SHISA9: variants seen among roughly 807,000 people sequenced by gnomAD.
The protein encoded by SHISA9 is protein shisa-9.
In SHISA9, 13 loss-of-function variants were observed where a neutral mutation model predicts 38.0. That is an observed-to-expected ratio of 0.34 (90% CI 0.22 to 0.54). The LOEUF (loss-of-function observed/expected upper bound fraction) is 0.54. SHISA9 is among the 20% of genes least tolerant of loss of function. SHISA9 has a pLI of 0.91. For missense variants in SHISA9, 538 were observed against 575.8 expected (o/e 0.93, Z 0.67); for synonymous variants, 275 against 242.0 (o/e 1.14, Z -1.27).
chr16:13,085,397 G>T (rs532486261), intron 2 of SHISA9, among the ~76,000 whole-genome samples: 11 of 152,170 alleles, frequency 7.2e-5, no homozygotes, highest in Admixed American at 5.2e-4. Flanking sequence ...AAACATAAAG[G>T]CTTGTGTTGA....
rs549681756 is a variant in SHISA9 at position 12,922,202 on chromosome 16, G to T, written c.691+5387G>T. On this transcript the variant is annotated intron_variant, in intron 2 of 4. Transcript: ENST00000558583. ...GCTAAGTAAATGGAAATATCCATTG[G>T]CATTTTAGGAAAGAGAGCTGTTTCC... is the stretch of plus-strand genomic sequence containing the variant. 1.2e-4 allele frequency among the ~76,000 whole-genome samples: 19 copies of T among 152,354 alleles called. No homozygotes were observed. The South Asian group carries it at 3.9e-3, about 32-fold the overall frequency.
At chr16:13,178,654 GC>G (rs1241698578) in intron 2 of SHISA9, among the ~76,000 whole-genome samples, 1 of 152,178 alleles carries the variant, frequency 6.6e-6, no homozygotes, top group African/African-American at 2.4e-5. Context: ...CTCTGCTAGT[GC>G]CGGGGACCTG....
At chr16:13,330,818 A>G in the SHISA9 span, among the ~76,000 whole-genome samples, 55 of 152,148 alleles carry the variant, frequency 3.6e-4, no homozygotes, top group African/African-American at 1.3e-3. Context: ...AGGGATGGGC[A>G]CTTGACCAAA....
At chr16:13,267,434 C>T in the SHISA9 span, among the ~76,000 whole-genome samples, 4 of 152,178 alleles carry the variant, frequency 2.6e-5, no homozygotes. Context: ...CTGTCATGCA[C>T]TGCTGGAGGT....
the SHISA9 span, among the ~76,000 whole-genome samples, chr16:13,534,480 C>A: frequency 6.6e-6 from 1 of 152,194 alleles, no homozygotes; most frequent in South Asian, 2.1e-4. Context: ...CTGCCTTGGC[C>A]TCCCAAAGTG....
chr16:13,335,792 G>T, the SHISA9 span, among the ~76,000 whole-genome samples: 1 of 152,302 alleles, frequency 6.6e-6, no homozygotes, highest in African/African-American at 2.4e-5. Flanking sequence ...GAATCACAGA[G>T]TGAAGGCATC....
chr16:13,151,721 A>G (rs1193633506), intron 2 of SHISA9, among the ~76,000 whole-genome samples: 1 of 152,208 alleles, frequency 6.6e-6, no homozygotes, highest in Non-Finnish European at 1.5e-5. Context: ...CATTCAGAAA[A>G]ACAGATTTCC....
At chr16:13,489,959 C>A in the SHISA9 span, among the ~76,000 whole-genome samples, 1 of 152,146 alleles carries the variant, frequency 6.6e-6, no homozygotes, top group East Asian at 1.9e-4. Flanking sequence ...CTGCAGTGGA[C>A]AGTGTAAAAA....
chr16:13,562,522 C>T, the SHISA9 span, among the ~76,000 whole-genome samples: 1 of 149,406 alleles, frequency 6.7e-6, no homozygotes, highest in African/African-American at 2.5e-5. Flanking sequence ...CCCAGCTGCT[C>T]GGGAAGCTGA....
chr16:12,965,034 T>C (rs1289562532), intron 2 of SHISA9, among the ~76,000 whole-genome samples: 2 of 152,146 alleles, frequency 1.3e-5, no homozygotes, highest in Non-Finnish European at 2.9e-5. Flanking sequence ...TGAATATCTA[T>C]CTATATATAC....
the SHISA9 span, among the ~76,000 whole-genome samples, chr16:13,434,252 T>C: frequency 6.6e-6 from 1 of 152,136 alleles, no homozygotes; most frequent in African/African-American, 2.4e-5. Context: ...GATTAGATTG[T>C]GTCCACCCAG....
At chr16:13,116,811 G>A (rs942556496) in intron 2 of SHISA9, among the ~76,000 whole-genome samples, 1 of 152,108 alleles carries the variant, frequency 6.6e-6, no homozygotes, top group African/African-American at 2.4e-5. Flanking sequence ...ACACAACCTC[G>A]AAGACTACTA....
the SHISA9 span, among the ~76,000 whole-genome samples, chr16:13,440,248 G>A: frequency 6.6e-6 from 1 of 152,184 alleles, no homozygotes; most frequent in Non-Finnish European, 1.5e-5. Context: ...TCTCCCATTT[G>A]TATACCCTCT....
Position 12,970,467 on chromosome 16 carries a change from G to GTATATA in SHISA9, c.691+53653_691+53654insATATAT, listed in dbSNP as rs1567168028. On this transcript the variant is annotated intron_variant, in intron 2 of 4. Transcript: ENST00000558583. ...CACATATATATATACATATATGTGTGTGTATATATATATATATATATATAT... is the reference window on the plus strand; with the variant it reads ...CACATATATATATACATATATGTGTGTATATATGTATATATATATATATATATATAT... Among the ~76,000 whole-genome samples, 206 of 23,544 alleles carry GTATATA rather than the reference G, an allele frequency of 8.7e-3. 6 individuals are homozygous for GTATATA. Among genetic ancestry groups the GTATATA allele is most frequent in the East Asian group, 0.015 (13 of 868 alleles). The allele number at this position is 23,544 out of a possible 152,430, so 15.4% of individuals were successfully genotyped here. A position where few individuals can be genotyped will look rare whatever the true frequency, so the allele number is the denominator to read the frequency against.
intron 2 of SHISA9, among the ~76,000 whole-genome samples, chr16:12,981,888 A>G (rs12930805): frequency 0.18 from 28,126 of 152,126 alleles, 3,378 homozygotes; most frequent in Middle Eastern, 0.31. Flanking sequence ...GTGGCTATCT[A>G]CAAGTCAAGA....
chr16:13,258,545 A>G, the SHISA9 span: 2 of 152,202 alleles, frequency 1.3e-5, no homozygotes, highest in African/African-American at 2.4e-5. Flanking sequence ...TAGGGATGCA[A>G]TGGTGTATTA....
At chr16:13,017,804 A>G (rs577692666) in intron 2 of SHISA9, among the ~76,000 whole-genome samples, 3 of 152,242 alleles carry the variant, frequency 2.0e-5, no homozygotes, top group Non-Finnish European at 4.4e-5. Flanking sequence ...CTGCAAGGAC[A>G]TGAACACTGC....
At chr16:13,383,136 T>C in the SHISA9 span, among the ~76,000 whole-genome samples, 1 of 152,120 alleles carries the variant, frequency 6.6e-6, no homozygotes, top group Admixed American at 6.6e-5. Flanking sequence ...TACAAAATGC[T>C]ACAGAAAAAA....
intron 2 of SHISA9, among the ~76,000 whole-genome samples, chr16:13,079,542 C>A (rs575412787): frequency 1.3e-5 from 2 of 152,260 alleles, no homozygotes; most frequent in African/African-American, 4.8e-5. Context: ...TCATTTTTCC[C>A]ACCCCAAAAA....
Sources: allele counts gnomAD v4.1 joint callset (sites outside exome capture counted in the v4.1 genomes callset), GRCh38; gene constraint gnomAD v4.1.1; transcripts MANE v1.5; gene names NCBI Gene and HGNC (gene_info 2026-07-23, HGNC 2026-07-21).